FNIP1: variants seen among roughly 807,000 people sequenced by gnomAD.
FNIP1 encodes folliculin interacting protein 1.
In FNIP1, 40 loss-of-function variants were observed where a neutral mutation model predicts 124.5. The ratio of observed to expected loss-of-function variants is 0.32; its 90% CI spans 0.25 to 0.42. The LOEUF is 0.42. Ranked by LOEUF, FNIP1 falls within the 10% of genes least tolerant of loss-of-function variation. The pLI is 1.00. For missense variants in FNIP1, 1,176 were observed against 1,403.7 expected (o/e 0.84, Z 2.59); for synonymous variants, 472 against 470.6 (o/e 1.00, Z -0.04).
At chr5:131,693,342 A>ATATG (rs1554094495) in intron 11 of FNIP1, among the ~76,000 whole-genome samples, 117 of 130,966 alleles carry the variant, frequency 8.9e-4, no homozygotes, top group Middle Eastern at 3.7e-3. Context: ...ACATATATAT[A>ATATG]TATATATATA....
chr5:131,694,823 C>T lies in FNIP1; in HGVS notation c.1202+4094G>A, dbSNP rs532877956. Among the ~76,000 whole-genome samples the T allele has an allele frequency of 1.2e-4, 18 of 152,072 alleles. No individual in the cohort carries two copies. The South Asian group carries it at 1.5e-3, about 12-fold the overall frequency. On this transcript the variant is annotated intron_variant, in intron 11 of 17. Coordinates refer to ENST00000510461, the MANE Select transcript of FNIP1 (RefSeq NM_133372.3). Reference sequence around the variant, plus strand: ...ACTAATGCAATACATTAATAACTGACGCCAGGTGTGGTGGCTCACACCTGT... The same window carrying T: ...ACTAATGCAATACATTAATAACTGATGCCAGGTGTGGTGGCTCACACCTGT...
At chr5:131,700,349 G>A (rs755110259) in intron 10 of FNIP1, among the ~76,000 whole-genome samples, 4 of 152,124 alleles carry the variant, frequency 2.6e-5, no homozygotes, top group Non-Finnish European at 5.9e-5. Flanking sequence ...GCAAAAAGGG[G>A]ATCAGGATTA....
rs1766903724 is a variant in FNIP1, at chr5:131,647,012, A to G, written c.3422+78T>C. 3.9e-6 allele frequency: 5 copies of G among 1,269,000 alleles called. No homozygotes were observed. The Admixed American group carries it at 8.8e-5, about 22-fold the overall frequency. 78.6% of individuals were successfully genotyped at this position (1,269,000 alleles called of 1,614,324 possible). ...ATAGGAGAAGACACGTAAAAGGAAA[A>G]AGGGCAATTCTGAGGAAAATTCCTT... is the stretch of plus-strand genomic sequence containing the variant. On this transcript the variant is annotated intron_variant, in intron 17 of 17. Transcript: ENST00000510461.
intron 6 of FNIP1, among the ~76,000 whole-genome samples, chr5:131,715,565 TTA>T (rs1219226201): frequency 3.9e-5 from 6 of 152,190 alleles, no homozygotes; most frequent in Non-Finnish European, 7.3e-5. Context: ...AAGTATCAAA[TTA>T]TAAAGAAAAG....
chr5:131,699,395 CTTTTT>C (rs1230600109), intron 10 of FNIP1, among the ~76,000 whole-genome samples: 3 of 136,008 alleles, frequency 2.2e-5, no homozygotes. Context: ...CTGTTAACTC[CTTTTT>C]TTTTTTTTTT....
At chr5:131,701,823 GC>G (rs1768909642) in intron 10 of FNIP1, among the ~76,000 whole-genome samples, 1 of 152,182 alleles carries the variant, frequency 6.6e-6, no homozygotes, top group African/African-American at 2.4e-5. Context: ...AGTACAACTT[GC>G]AAACAGCCTT....
rs36082666 is a variant in FNIP1, at chr5:131,689,152, CA to C, written c.1202+9764del. Among the ~76,000 whole-genome samples, 776 of 140,088 alleles carry C rather than the reference CA, an allele frequency of 5.5e-3. 4 individuals carry two copies. The highest frequency in any genetic ancestry group is 0.019 in the African/African-American group (700 of 37,072). 91.9% of individuals were successfully genotyped at this position (140,088 alleles called of 152,430 possible). A position where few individuals can be genotyped will look rare whatever the true frequency, so the allele number is the denominator to read the frequency against. On this transcript the variant is annotated intron_variant, in intron 11 of 17. Coordinates refer to ENST00000510461, the MANE Select transcript of FNIP1 (RefSeq NM_133372.3). ...ATTAGAGTTCTTGTTAGAAACTATG[CA>C]AAAAAAAAAAGAGACTGGAGAAAAA...
At chr5:131,739,812 CAAAAAAAAAA>C (rs60928249) in intron 2 of FNIP1, among the ~76,000 whole-genome samples, 135 of 31,382 alleles carry the variant, frequency 4.3e-3, no homozygotes, top group African/African-American at 0.013. Flanking sequence ...GACTCCAGCT[CAAAAAAAAAA>C]AAAAAAAAAA....
chr5:131,679,787 G>A (rs1416459595), intron 11 of FNIP1, among the ~76,000 whole-genome samples: 1 of 152,202 alleles, frequency 6.6e-6, no homozygotes, highest in Non-Finnish European at 1.5e-5. Context: ...TTTCTTAGCT[G>A]TCTCTTGGAC....
intron 1 of FNIP1, among the ~76,000 whole-genome samples, chr5:131,776,096 C>T (rs1456134085): frequency 6.6e-6 from 1 of 152,156 alleles, no homozygotes; most frequent in Non-Finnish European, 1.5e-5. Context: ...TTGGCAGCAT[C>T]TTTGTATCCA....
intron 11 of FNIP1, among the ~76,000 whole-genome samples, chr5:131,684,197 G>T (rs1480273238): frequency 6.6e-6 from 1 of 152,168 alleles, no homozygotes. Context: ...AACAGTATGA[G>T]AATTAAAACA....
chr5:131,667,255 C>T (rs1293313707), intron 15 of FNIP1, among the ~76,000 whole-genome samples: 2 of 152,296 alleles, frequency 1.3e-5, no homozygotes, highest in East Asian at 1.9e-4. Context: ...CTTTTTCATA[C>T]ATATATCCCT....
intron 1 of FNIP1, among the ~76,000 whole-genome samples, chr5:131,751,208 C>G (rs1236859781): frequency 6.6e-6 from 1 of 152,152 alleles, no homozygotes; most frequent in East Asian, 1.9e-4. Flanking sequence ...CAAGCCATGT[C>G]TTCTACCTGA....
intron 1 of FNIP1, among the ~76,000 whole-genome samples, chr5:131,790,457 C>T (rs139168326): frequency 0.01 from 1,116 of 108,362 alleles, 8 homozygotes; most frequent in Non-Finnish European, 0.013. Flanking sequence ...CCCGCCTGGG[C>T]GATAGAGCAA....
intron 15 of FNIP1, among the ~76,000 whole-genome samples, chr5:131,655,659 G>A (rs6865832): frequency 0.017 from 2,551 of 151,516 alleles, 80 homozygotes; most frequent in African/African-American, 0.057. Flanking sequence ...GAGCAGTTCC[G>A]CTCTCCAATA....
chr5:131,742,410 C>T (rs1039221594), intron 2 of FNIP1, among the ~76,000 whole-genome samples: 1 of 152,184 alleles, frequency 6.6e-6, no homozygotes, highest in Non-Finnish European at 1.5e-5. Flanking sequence ...TTTCAGTGAG[C>T]TGAGATTGTG....
chr5:131,672,252 T>C lies in FNIP1; in HGVS notation c.2192A>G (p.Lys731Arg), dbSNP rs1413679757. The change falls in exon 14 of 18, where the codon AAA (lysine) becomes AGA (arginine). Residue 731 changes from lysine (K) to arginine (R), a missense_variant. Physicochemically the swap from Lys to Arg is conservative, Grantham distance 26 (BLOSUM62 2). Coordinates refer to ENST00000510461, the MANE Select transcript of FNIP1 (RefSeq NM_133372.3). Reference sequence around the variant, plus strand: ...AGGCACAATCTTATCTGGAGGTTTTTTTTCCACAACCATTCCTGTGGATCT... The same window carrying C: ...AGGCACAATCTTATCTGGAGGTTTTCTTTCCACAACCATTCCTGTGGATCT... ...AMRSTGMVVE[K>R]KPPDKIVPAS... 1 of 1,614,206 alleles carries C rather than the reference T, an allele frequency of 6.2e-7. No individual in the cohort carries two copies. Among genetic ancestry groups the C allele is most frequent in the African/African-American group, 1.3e-5 (1 of 75,072 alleles).
chr5:131,670,369 T>G lies in FNIP1; in HGVS notation c.3108+94A>C, dbSNP rs1767714191. The G allele has an allele frequency of 5.5e-6, 6 of 1,093,066 alleles. No individual in the cohort carries two copies. The East Asian group carries it at 1.6e-4, about 28-fold the overall frequency. 67.7% of individuals were successfully genotyped at this position (1,093,066 alleles called of 1,614,324 possible). A position where few individuals can be genotyped will look rare whatever the true frequency, so the allele number is the denominator to read the frequency against. On this transcript the variant is annotated intron_variant, in intron 15 of 17. Transcript: ENST00000510461. ...GATTCAGAGAACAATGATTGTGTTG[T>G]AAAAAGTATGACCAAAAATATAAGG...
Position 131,692,311 on chromosome 5 carries a change from C to T in FNIP1, c.1202+6606G>A, listed in dbSNP as rs115740299. Among the ~76,000 whole-genome samples the T allele has an allele frequency of 9.5e-3, 1,440 of 151,946 alleles. 26 individuals are homozygous for T. The highest frequency in any genetic ancestry group is 0.033 in the African/African-American group (1,368 of 41,418). On this transcript the variant is annotated intron_variant, in intron 11 of 17. Transcript: ENST00000510461. ...ATACCATTTACATTAGGTTCCCTCC[C>T]CCTGACCCCCCCAAAAAACATGTAT...
Sources: gnomAD v4.1 joint callset for allele counts (sites outside exome capture counted in the v4.1 genomes callset) on GRCh38, gnomAD v4.1.1 for gene constraint, MANE v1.5 for transcripts, NCBI Gene and HGNC (gene_info 2026-07-23, HGNC 2026-07-21) for gene names.